Variants in ZNF827 observed in about 807,000 individuals in gnomAD.
ZNF827 encodes zinc finger protein 827.
Under a neutral mutation model 102.4 loss-of-function variants are expected in ZNF827, and 13 were observed. The observed-to-expected ratio is 0.13, with a 90% CI of 0.08 to 0.20. The LOEUF (loss-of-function observed/expected upper bound fraction) is 0.20. ZNF827 is among the 10% of genes least tolerant of loss of function. ZNF827 has a pLI of 1.00. For synonymous variants in ZNF827, 523 were observed against 536.2 expected, an observed-to-expected ratio of 0.98 and a Z score of 0.34; for missense variants, 1,103 against 1,344.4, an observed-to-expected ratio of 0.82 and a Z score of 2.81.
intron 1 of ZNF827, among the ~76,000 whole-genome samples, chr4:145,916,325 C>T (rs1317278105): frequency 6.6e-6 from 1 of 152,186 alleles, no homozygotes; most frequent in Non-Finnish European, 1.5e-5. Context: ...TGAACATAGC[C>T]AAGATTTGCT....
At position 145,763,729 on chromosome 4, in the gene ZNF827, C is replaced by T. The variant is rs1225303142; in HGVS notation, c.3231-607G>A. On this transcript the variant is annotated intron_variant, in intron 13 of 14. Coordinates refer to ENST00000508784, the MANE Select transcript of ZNF827 (RefSeq NM_001306215.2). The surrounding 1 kb of genome is among the most constrained non-coding windows in gnomAD (Gnocchi z 4.6). ...TTTCTCTTTTTAAAATGAGAGCACA[C>T]AAATATTTATAAAGGGACAGTGGGA... 6.6e-6 allele frequency among the ~76,000 whole-genome samples: 1 copy of T among 152,158 alleles called. No homozygotes were observed. Among genetic ancestry groups the T allele is most frequent in the Non-Finnish European group, 1.5e-5 (1 of 68,034 alleles).
In ZNF827 at chr4:145,873,226, C is replaced by A. The variant is rs557457642; in HGVS notation, c.1748-2748G>T. 1.3e-3 allele frequency among the ~76,000 whole-genome samples: 192 copies of A among 152,304 alleles called. 1 individual carries two copies. The highest frequency in any genetic ancestry group is 4.2e-3 in the African/African-American group (176 of 41,588). ...CTGGGATTATAGGCGTGAGCCGACA[C>A]GCCTGGCCCAACAATTTTTGTTTTA... On this transcript the variant is annotated intron_variant, in intron 4 of 14. Transcript: ENST00000508784.
At chr4:145,912,385 T>C (rs916160999) in intron 1 of ZNF827, among the ~76,000 whole-genome samples, 2 of 152,234 alleles carry the variant, frequency 1.3e-5, no homozygotes, top group African/African-American at 4.8e-5. Context: ...CAGCAGAGAC[T>C]CTTTCTCCTA....
intron 2 of ZNF827, among the ~76,000 whole-genome samples, chr4:145,897,915 G>A (rs764697411): frequency 2.1e-4 from 32 of 152,128 alleles, no homozygotes; most frequent in Non-Finnish European, 4.1e-4. Context: ...AGCACTTTGG[G>A]GGCCTGAGTA....
intron 1 of ZNF827, among the ~76,000 whole-genome samples, chr4:145,915,434 C>A (rs769483334): frequency 1.4e-4 from 21 of 151,808 alleles, no homozygotes; most frequent in Non-Finnish European, 1.0e-4. Context: ...GCAACAAGAG[C>A]GGAACTCCGT....
At chr4:145,932,732 C>T (rs1026298224) in intron 1 of ZNF827, among the ~76,000 whole-genome samples, 4 of 152,180 alleles carry the variant, frequency 2.6e-5, no homozygotes, top group Non-Finnish European at 5.9e-5. Flanking sequence ...CCTCGGCCTC[C>T]CAAAGTGTTG....
chr4:145,781,428 T>C lies in ZNF827; in HGVS notation c.2384-1917A>G, dbSNP rs79964042. Among the ~76,000 whole-genome samples, 500 of 151,998 alleles carry C rather than the reference T, an allele frequency of 3.3e-3. 2 individuals carry two copies. The highest frequency in any genetic ancestry group is 9.8e-3 in the African/African-American group (405 of 41,448). On this transcript the variant is annotated intron_variant, in intron 8 of 14. Coordinates refer to ENST00000508784, the MANE Select transcript of ZNF827 (RefSeq NM_001306215.2). ...ACAAATATGAATATATGTCTGGAAA[T>C]GGGAGGAGGGGAAATGATGGTGAAA...
rs528014197 is a variant in ZNF827 at position 145,861,170 on chromosome 4, C to T, written c.1981+9075G>A. The stretch of plus-strand genomic sequence containing the variant: ...TTTAATTATGCATGCAAATATTCCC[C>T]TTCTTTGACATGAATATGTTAAAGG... On this transcript the variant is annotated intron_variant, in intron 5 of 14. Transcript: ENST00000508784. Among the ~76,000 whole-genome samples the T allele has an allele frequency of 1.4e-4, 21 of 152,302 alleles. 1 individual carries two copies. The highest frequency in any genetic ancestry group is 1.4e-3 in the Admixed American group (21 of 15,300).
At chr4:145,883,739 C>G (rs1378013170) in intron 4 of ZNF827, among the ~76,000 whole-genome samples, 1 of 152,166 alleles carries the variant, frequency 6.6e-6, no homozygotes, top group Non-Finnish European at 1.5e-5. Context: ...ACTCGGATTG[C>G]CCCTGTCTGT....
intron 5 of ZNF827, among the ~76,000 whole-genome samples, chr4:145,856,538 G>A (rs1579389086): frequency 6.6e-6 from 1 of 152,126 alleles, no homozygotes; most frequent in Admixed American, 6.5e-5. Flanking sequence ...CTGGCCATCT[G>A]TTCCTGGGGA....
In ZNF827 at chr4:145,761,133, G is replaced by A; in HGVS notation, c.*483C>T. 3.1e-6 allele frequency: 4 copies of A among 1,289,692 alleles called. No homozygotes were observed. Among genetic ancestry groups the A allele is most frequent in the South Asian group, 1.2e-5 (1 of 81,022 alleles). The allele number at this position is 1,289,692 out of a possible 1,614,324, so 79.9% of individuals were successfully genotyped here. On this transcript the variant is annotated 3_prime_UTR_variant, in exon 15 of 15. Coordinates refer to ENST00000508784, the MANE Select transcript of ZNF827 (RefSeq NM_001306215.2). The surrounding 1 kb of genome is among the most constrained non-coding windows in gnomAD (Gnocchi z 6.8). ...CGACCACCAGGAGCGGGGCCCCCGG[G>A]CCGGCCGGTTCCTTGGGGGCTGGAC...
intron 13 of ZNF827, among the ~76,000 whole-genome samples, chr4:145,764,219 T>C (rs1259796988): frequency 6.6e-6 from 1 of 152,262 alleles, no homozygotes; most frequent in African/African-American, 2.4e-5. Flanking sequence ...TGCTGCTTTC[T>C]CTTTACCAGA....
intron 2 of ZNF827, among the ~76,000 whole-genome samples, chr4:145,896,267 C>T (rs559473507): frequency 5.3e-5 from 8 of 152,294 alleles, no homozygotes; most frequent in African/African-American, 1.9e-4. Flanking sequence ...AATAAATACA[C>T]GGTTCAGAGC....
At chr4:145,822,684 C>T (rs775516133) in intron 8 of ZNF827, among the ~76,000 whole-genome samples, 2 of 141,586 alleles carry the variant, frequency 1.4e-5, no homozygotes, top group African/African-American at 5.1e-5. Context: ...TGGTGGTGGG[C>T]GGGGTGGGTA....
intron 5 of ZNF827, among the ~76,000 whole-genome samples, chr4:145,860,091 C>T (rs1285127367): frequency 6.6e-6 from 1 of 152,164 alleles, no homozygotes; most frequent in Non-Finnish European, 1.5e-5. Flanking sequence ...GTATTACTTA[C>T]ATATTACCCG....
At chr4:145,874,303 GAA>G (rs2126774813) in intron 4 of ZNF827, among the ~76,000 whole-genome samples, 1 of 152,312 alleles carries the variant, frequency 6.6e-6, no homozygotes, top group South Asian at 2.1e-4. Flanking sequence ...ACAATACAGA[GAA>G]TAACAGAAAA....
At chr4:145,843,971 C>A (rs1426742016) in intron 7 of ZNF827, among the ~76,000 whole-genome samples, 1 of 152,204 alleles carries the variant, frequency 6.6e-6, no homozygotes, top group Non-Finnish European at 1.5e-5. Flanking sequence ...CAATAAAGCA[C>A]TTCCACGAGA....
chr4:145,773,101 CA>C (rs1027682741), intron 11 of ZNF827, among the ~76,000 whole-genome samples: 8 of 151,938 alleles, frequency 5.3e-5, no homozygotes, highest in African/African-American at 1.9e-4. Context: ...CAAAGGTTAA[CA>C]GAAAGGAGAA....
chr4:145,892,427 GAGAA>G lies in ZNF827; in HGVS notation c.1094-16_1094-13del. The G allele has an allele frequency of 6.2e-7, 1 of 1,606,270 alleles. No homozygotes were observed. Among genetic ancestry groups the G allele is most frequent in the Non-Finnish European group, 8.5e-7 (1 of 1,175,764 alleles). On this transcript the variant is annotated splice_polypyrimidine_tract_variant and intron_variant, in intron 2 of 14. Coordinates refer to ENST00000508784, the MANE Select transcript of ZNF827 (RefSeq NM_001306215.2). Reference sequence around the variant, plus strand: ...TTCCTCTTCTGAGGCTTGGAAGAAGGAGAAAGAAAGGACCATTAAGGAAAACAAA... The same window carrying G: ...TTCCTCTTCTGAGGCTTGGAAGAAGGAGAAAGGACCATTAAGGAAAACAAA...
Sources: gnomAD v4.1 joint callset for allele counts (sites outside exome capture counted in the v4.1 genomes callset) on GRCh38, gnomAD v4.1.1 for gene constraint, Gnocchi (gnomAD v3.1) non-coding constraint, MANE v1.5 for transcripts, NCBI Gene and HGNC (gene_info 2026-07-23, HGNC 2026-07-21) for gene names.